Variants in NUP107 observed in about 807,000 individuals in gnomAD.
NUP107 encodes nuclear pore complex protein Nup107.
NUP107 carries 101 observed loss-of-function variants against 141.0 expected under a neutral mutation model. The ratio of observed to expected loss-of-function variants is 0.72; its 90% confidence interval spans 0.61 to 0.84. The LOEUF (loss-of-function observed/expected upper bound fraction) is 0.84. Ranked by LOEUF, NUP107 falls within the 40% of genes least tolerant of loss-of-function variation. The pLI is 0.00. For missense variants in NUP107, 941 were observed against 1,102.7 expected, an observed-to-expected ratio of 0.85 and a Z score of 2.08; for synonymous variants, 319 against 363.9, an observed-to-expected ratio of 0.88 and a Z score of 1.41.
intron 10 of NUP107, among the ~76,000 whole-genome samples, chr12:68,710,685 T>C (rs1592504515): frequency 6.8e-6 from 1 of 146,156 alleles, no homozygotes; most frequent in Non-Finnish European, 1.5e-5. Flanking sequence ...AAGAAATAAT[T>C]GGAATAAAAC....
At chr12:68,720,875 T>A (rs1877320911) in intron 14 of NUP107, among the ~76,000 whole-genome samples, 1 of 152,208 alleles carries the variant, frequency 6.6e-6, no homozygotes, top group African/African-American at 2.4e-5. Flanking sequence ...TAGAGTTGGA[T>A]CTGCTTTCAC....
chr12:68,730,800 A>G (rs1302151595), intron 20 of NUP107, among the ~76,000 whole-genome samples: 1 of 151,988 alleles, frequency 6.6e-6, no homozygotes, highest in African/African-American at 2.4e-5. Flanking sequence ...AGCCATCTCT[A>G]CTAAAAAAAA....
In NUP107 at chr12:68,744,005, ATAAG is replaced by A. The variant is rs1878420293; in HGVS notation, c.*1545_*1548del. 1 of 152,226 alleles carries A rather than the reference ATAAG, an allele frequency of 6.6e-6. No individual in the cohort carries two copies. Among genetic ancestry groups the A allele is most frequent in the African/African-American group, 2.4e-5 (1 of 41,468 alleles). 9.4% of individuals were successfully genotyped at this position (152,226 alleles called of 1,614,324 possible). On this transcript the variant is annotated 3_prime_UTR_variant, in exon 28 of 28. Transcript: ENST00000229179. ...ACTAGATTTGGGGTGGGGAGGGGAA[ATAAG>A]TGAGTCTTAAAAGTAGTTTTGTTAC...
intron 12 of NUP107, among the ~76,000 whole-genome samples, chr12:68,717,794 A>C (rs1037725591): frequency 3.3e-5 from 5 of 152,178 alleles, no homozygotes; most frequent in African/African-American, 1.2e-4. Flanking sequence ...TCAACATTCT[A>C]TATTGAGTTT....
chr12:68,740,197 C>G (rs1030419410), intron 26 of NUP107: 3 of 152,176 alleles, frequency 2.0e-5, no homozygotes, highest in Admixed American at 2.0e-4. Flanking sequence ...AAGCCAGGGG[C>G]ACCCGGCCTC....
At chr12:68,699,220 A>C (rs1876209257) in intron 6 of NUP107, among the ~76,000 whole-genome samples, 1 of 152,044 alleles carries the variant, frequency 6.6e-6, no homozygotes, top group African/African-American at 2.4e-5. Flanking sequence ...AAAATGCAAA[A>C]AAATTAGTGG....
chr12:68,734,646 G>A, intron 24 of NUP107, 62 bp from the exon 25 acceptor site: 6 of 1,288,906 alleles, frequency 4.7e-6, no homozygotes, highest in Non-Finnish European at 6.4e-6. Flanking sequence ...AAATGTTGGT[G>A]AAACGATAAA....
At chr12:68,698,859 CAT>C (rs1200839470) in intron 6 of NUP107, among the ~76,000 whole-genome samples, 1 of 152,140 alleles carries the variant, frequency 6.6e-6, no homozygotes, top group African/African-American at 2.4e-5. Context: ...ATGGGGGACA[CAT>C]GTCAGTATAC....
At chr12:68,721,062 A>G (rs1170261996) in intron 14 of NUP107, 56 bp from the exon 15 acceptor site, 1 of 1,189,932 alleles carries the variant, frequency 8.4e-7, no homozygotes, top group South Asian at 1.3e-5. Context: ...TATGAGGAAA[A>G]TTGACATACT....
chr12:68,712,386 C>G (rs1161268137), intron 10 of NUP107, among the ~76,000 whole-genome samples: 1 of 137,818 alleles, frequency 7.3e-6, no homozygotes, highest in Non-Finnish European at 1.5e-5. Context: ...CCATTGCACT[C>G]CAGCCTGGGT....
intron 15 of NUP107, 53 bp from the exon 16 acceptor site, chr12:68,721,788 T>C: frequency 6.4e-7 from 1 of 1,561,864 alleles, no homozygotes; most frequent in Non-Finnish European, 8.7e-7. Context: ...TTGCTTTTCC[T>C]TTCTTTTCTG....
At chr12:68,696,950 C>T (rs1876096476) in intron 6 of NUP107, 28 bp downstream of exon 6, 3 of 1,344,250 alleles carry the variant, frequency 2.2e-6, no homozygotes, top group African/African-American at 2.9e-5. Flanking sequence ...CGTCGTTAGT[C>T]AAACTTCAGT....
chr12:68,732,838 C>T, intron 23 of NUP107, 99 bp downstream of exon 23: 1 of 710,732 alleles, frequency 1.4e-6, no homozygotes, highest in East Asian at 2.9e-5. Context: ...CACCACCACA[C>T]CCACCTAATT....
intron 6 of NUP107, among the ~76,000 whole-genome samples, chr12:68,698,028 A>C (rs1208815241): frequency 7.0e-6 from 1 of 142,478 alleles, no homozygotes; most frequent in Admixed American, 7.0e-5. Flanking sequence ...ACTCCATCTC[A>C]AAAAAAAAAA....
At chr12:68,702,111 C>T (rs1293050307) in intron 7 of NUP107, among the ~76,000 whole-genome samples, 1 of 152,214 alleles carries the variant, frequency 6.6e-6, no homozygotes, top group Admixed American at 6.5e-5. Context: ...GTCTCAGCCT[C>T]CCGAGTAGCT....
In NUP107 at chr12:68,735,233, G is replaced by A; in HGVS notation, c.2391G>A (p.Met797Ile). 6.2e-7 allele frequency: 1 copy of A among 1,604,050 alleles called. No homozygotes were observed. Among genetic ancestry groups the A allele is most frequent in the Admixed American group, 1.7e-5 (1 of 59,976 alleles). Residue 797 changes from methionine to isoleucine, a missense_variant and splice_region_variant, in exon 26 of 28, where the codon ATG becomes ATA. Met to Ile is a conservative substitution (Grantham distance 10). Coordinates refer to ENST00000229179, the MANE Select transcript of NUP107 (RefSeq NM_020401.4). ...TCTGCCTTGTGTTTGTTTTGCAGAT[G>A]GATTTTGGTATTTGGAAAGGGCATT... ...AHEHKEKKYE[M>I]DFGIWKGHLD... is the part of the protein sequence containing the mutation.
rs750282064 is a variant in NUP107 at position 68,742,462 on chromosome 12, G to C, written c.2778G>C (p.Ter926TyrextTer13). The part of the protein sequence containing the change: ...LDPLGYEIQL[*>Y] ...CATTAGGGTATGAAATTCAGTTATAGTTTAATCTTTGTAATCTCACTAATT... is the reference window on the plus strand; with the variant it reads ...CATTAGGGTATGAAATTCAGTTATACTTTAATCTTTGTAATCTCACTAATT... The change falls in exon 28 of 28, where the codon TAG becomes TAC. Residue 926 changes from the stop codon to tyrosine, a stop_lost. Transcript: ENST00000229179. 1 of 1,482,666 alleles carries C rather than the reference G, an allele frequency of 6.7e-7. No individual in the cohort carries two copies. The highest frequency in any genetic ancestry group is 1.2e-5 in the South Asian group (1 of 80,236). The allele number at this position is 1,482,666 out of a possible 1,614,324, so 91.8% of individuals were successfully genotyped here.
At position 68,689,526 on chromosome 12, in the gene NUP107, T is replaced by C. The variant is rs1311890287; in HGVS notation, c.101-7T>C. On this transcript the variant is annotated splice_region_variant and splice_polypyrimidine_tract_variant and intron_variant, in intron 2 of 27. Coordinates refer to ENST00000229179, the MANE Select transcript of NUP107 (RefSeq NM_020401.4). ...ACATGGAAAACTTTTCTTAACTCGT[T>C]GTACAGTTCAGGCATCTCAAGATGA... 6.4e-7 allele frequency: 1 copy of C among 1,566,978 alleles called. No homozygotes were observed. Among genetic ancestry groups the C allele is most frequent in the Non-Finnish European group, 8.7e-7 (1 of 1,151,426 alleles).
At chr12:68,730,254 C>T (rs1314718401) in intron 20 of NUP107, among the ~76,000 whole-genome samples, 1 of 127,674 alleles carries the variant, frequency 7.8e-6, no homozygotes, top group African/African-American at 2.9e-5. Context: ...CTCACTGTCA[C>T]CCAGGCCGGA....
Sources: gnomAD v4.1 joint callset for allele counts (sites outside exome capture counted in the v4.1 genomes callset) on GRCh38, gnomAD v4.1.1 for gene constraint, MANE v1.5 for transcripts, NCBI Gene and HGNC (gene_info 2026-07-23, HGNC 2026-07-21) for gene names.